Variants in SIPA1L3 observed in about 807,000 individuals in gnomAD.
The protein encoded by SIPA1L3 is signal induced proliferation associated 1 like 3, also known as signal-induced proliferation-associated 1-like protein 3.
SIPA1L3 carries 59 observed loss-of-function variants against 150.1 expected under a neutral mutation model. The observed-to-expected ratio is 0.39, with a 90% CI of 0.32 to 0.49. The LOEUF is 0.49. Among genes scored for constraint, SIPA1L3 ranks in the 20% least tolerant of loss-of-function variants. The pLI is 0.86. For synonymous variants in SIPA1L3, 1,070 were observed against 1,077.6 expected (o/e 0.99, Z 0.14); for missense variants, 2,211 against 2,489.5 (o/e 0.89, Z 2.38).
chr19:38,124,422 T>TGGGGAGC (rs1306964345), intron 9 of SIPA1L3, among the ~76,000 whole-genome samples: 2,889 of 134,234 alleles, frequency 0.022, 133 homozygotes, highest in African/African-American at 0.081. Context: ...GGCAGAGACG[T>TGGGGAGC]TCCTCACTTC....
At chr19:37,984,531 C>T (rs1437728891) in intron 1 of SIPA1L3, among the ~76,000 whole-genome samples, 1 of 152,128 alleles carries the variant, frequency 6.6e-6, no homozygotes, top group Non-Finnish European at 1.5e-5. Flanking sequence ...GAGAGAAAAC[C>T]TTGGAAACTA....
intron 1 of SIPA1L3, among the ~76,000 whole-genome samples, chr19:37,945,512 C>T (rs960409368): frequency 3.3e-5 from 5 of 152,134 alleles, no homozygotes; most frequent in African/African-American, 9.7e-5. Flanking sequence ...GCTAGAATTA[C>T]AGGTGTGAGC....
At chr19:38,174,539 C>T (rs192570193) in intron 15 of SIPA1L3, among the ~76,000 whole-genome samples, 3 of 152,232 alleles carry the variant, frequency 2.0e-5, no homozygotes, top group African/African-American at 7.2e-5. Context: ...TCAATGTCCT[C>T]ATCTGTAAAA....
chr19:38,148,765 C>T (rs1319570247), intron 12 of SIPA1L3, among the ~76,000 whole-genome samples: 1 of 152,194 alleles, frequency 6.6e-6, no homozygotes, highest in Admixed American at 6.5e-5. Flanking sequence ...AGGTTCCTCC[C>T]CAGAGTCAGT....
At chr19:38,122,885 T>A (rs1247043705) in intron 9 of SIPA1L3, among the ~76,000 whole-genome samples, 1 of 152,194 alleles carries the variant, frequency 6.6e-6, no homozygotes, top group Non-Finnish European at 1.5e-5. Flanking sequence ...CCTCGTTATC[T>A]AAGATTGCAC....
At chr19:37,987,184 TC>T (rs1257892971) in intron 1 of SIPA1L3, among the ~76,000 whole-genome samples, 2 of 152,096 alleles carry the variant, frequency 1.3e-5, no homozygotes, top group Admixed American at 1.3e-4. Flanking sequence ...CGCCTCAGCC[TC>T]CCAAAGCACT....
At chr19:38,193,326 G>A (rs1349031685) in intron 17 of SIPA1L3, among the ~76,000 whole-genome samples, 1 of 143,980 alleles carries the variant, frequency 6.9e-6, no homozygotes, top group Non-Finnish European at 1.5e-5. Flanking sequence ...TCCAGATTGG[G>A]CGACAGAGTG....
At chr19:38,041,261 C>T (rs1354211252) in intron 2 of SIPA1L3, among the ~76,000 whole-genome samples, 1 of 145,744 alleles carries the variant, frequency 6.9e-6, no homozygotes, top group Non-Finnish European at 1.5e-5. Flanking sequence ...CACCCGCCAA[C>T]ACGCTCAGCT....
chr19:37,989,423 T>C (rs559791009), intron 1 of SIPA1L3, among the ~76,000 whole-genome samples: 4 of 152,270 alleles, frequency 2.6e-5, no homozygotes, highest in African/African-American at 9.6e-5. Context: ...GGGATCTCAC[T>C]GTGTTGCCCA....
chr19:38,158,120 C>G (rs373717933), intron 13 of SIPA1L3, among the ~76,000 whole-genome samples: 3 of 152,006 alleles, frequency 2.0e-5, no homozygotes, highest in Non-Finnish European at 2.9e-5. Flanking sequence ...GTAATCCCAG[C>G]GGCTCGGGAG....
At chr19:38,089,667 G>A (rs1970219034) in intron 4 of SIPA1L3, among the ~76,000 whole-genome samples, 1 of 152,268 alleles carries the variant, frequency 6.6e-6, no homozygotes, top group South Asian at 2.1e-4. Context: ...AGAAGCCCAT[G>A]GTCCTGGCTG....
At chr19:38,152,463 G>C (rs564763137) in intron 12 of SIPA1L3, among the ~76,000 whole-genome samples, 42 of 151,472 alleles carry the variant, frequency 2.8e-4, no homozygotes, top group South Asian at 1.5e-3. Context: ...AAGGCAGCCC[G>C]AGAGAGGCCT....
chr19:38,005,460 TC>T (rs1214094736), intron 1 of SIPA1L3, among the ~76,000 whole-genome samples: 5 of 151,944 alleles, frequency 3.3e-5, no homozygotes, highest in African/African-American at 1.2e-4. Flanking sequence ...TTCTTGGTTC[TC>T]CCACCGTGCT....
intron 1 of SIPA1L3, among the ~76,000 whole-genome samples, chr19:37,911,420 A>G (rs1249091880): frequency 6.6e-6 from 1 of 151,966 alleles, no homozygotes; most frequent in Admixed American, 6.6e-5. Context: ...ATCCTTTTCA[A>G]CAGCTGTACC....
At chr19:37,955,036 G>A (rs141836694) in intron 1 of SIPA1L3, among the ~76,000 whole-genome samples, 1,889 of 148,448 alleles carry the variant, frequency 0.013, 28 homozygotes, top group Non-Finnish European at 0.022. Flanking sequence ...GCAGTGAGCC[G>A]GGATCACACC....
intron 4 of SIPA1L3, among the ~76,000 whole-genome samples, chr19:38,089,722 G>A (rs767888625): frequency 2.0e-5 from 3 of 152,246 alleles, no homozygotes; most frequent in Admixed American, 2.0e-4. Flanking sequence ...TAGTGAGGAA[G>A]GCCTGTTGGG....
chr19:38,098,979 T>C (rs1014451006), intron 4 of SIPA1L3, among the ~76,000 whole-genome samples: 5 of 152,140 alleles, frequency 3.3e-5, no homozygotes, highest in South Asian at 2.1e-4. Flanking sequence ...TTCTTTTCCC[T>C]TCTCTTCTCT....
chr19:38,054,803 T>C (rs1969280738), intron 2 of SIPA1L3, among the ~76,000 whole-genome samples: 1 of 152,114 alleles, frequency 6.6e-6, no homozygotes. Context: ...GTCCCCACTT[T>C]CCAGGGGCAT....
chr19:38,026,862 A>C (rs1968523872), intron 1 of SIPA1L3, among the ~76,000 whole-genome samples: 1 of 152,204 alleles, frequency 6.6e-6, no homozygotes, highest in Admixed American at 6.5e-5. Context: ...AATATCTGTG[A>C]CTTTGTCACT....
Sources: gnomAD v4.1 joint callset for allele counts (sites outside exome capture counted in the v4.1 genomes callset) on GRCh38, gnomAD v4.1.1 for gene constraint, MANE v1.5 for transcripts, NCBI Gene and HGNC (gene_info 2026-07-23, HGNC 2026-07-21) for gene names.